RAB3IP: variants seen among roughly 807,000 people sequenced by gnomAD.
The protein encoded by RAB3IP is RAB3A interacting protein, also known as rab-3A-interacting protein.
In RAB3IP, 36 loss-of-function variants were observed where a neutral mutation model predicts 59.1. The observed-to-expected ratio is 0.61, with a 90% CI of 0.47 to 0.80. The LOEUF (loss-of-function observed/expected upper bound fraction) is 0.80, where lower values mean the gene tolerates loss of function less well. RAB3IP is among the 30% of genes least tolerant of loss of function. The pLI is 0.00. For synonymous variants in RAB3IP, 207 were observed against 191.2 expected (o/e 1.08, Z -0.68); for missense variants, 511 against 536.0 (o/e 0.95, Z 0.46).
rs1361611862 is a variant in RAB3IP, at chr12:69,818,490, C to G, written c.*3044C>G. On this transcript the variant is annotated 3_prime_UTR_variant, in exon 11 of 11. Transcript: ENST00000247833. ...GTATACCCATGGGTCAGCAATTTCA[C>G]TTTTCAGTATATACTTGAGAAATGC... 1.3e-5 allele frequency: 2 copies of G among 151,280 alleles called. No individual in the cohort carries two copies. Among genetic ancestry groups the G allele is most frequent in the Non-Finnish European group, 2.9e-5 (2 of 67,910 alleles). 9.4% of individuals were successfully genotyped at this position (151,280 alleles called of 1,614,324 possible). A position where few individuals can be genotyped will look rare whatever the true frequency, so the allele number is the denominator to read the frequency against.
chr12:69,745,908 T>G (rs1455622022), intron 1 of RAB3IP, among the ~76,000 whole-genome samples: 1 of 152,254 alleles, frequency 6.6e-6, no homozygotes, highest in South Asian at 2.1e-4. Flanking sequence ...ATACTAGCTC[T>G]GTTACTTTTT....
At chr12:69,765,632 C>G (rs1423802175) in intron 3 of RAB3IP, among the ~76,000 whole-genome samples, 1 of 152,144 alleles carries the variant, frequency 6.6e-6, no homozygotes, top group African/African-American at 2.4e-5. Context: ...GAGCATGGAG[C>G]AGAGAGGACC....
intron 3 of RAB3IP, among the ~76,000 whole-genome samples, chr12:69,773,684 A>G (rs1459807949): frequency 3.3e-5 from 3 of 90,750 alleles, no homozygotes; most frequent in East Asian, 3.0e-4. Context: ...TTCTTGTGAT[A>G]GTTTACTGAG....
chr12:69,763,650 G>A (rs1223498398), intron 3 of RAB3IP, among the ~76,000 whole-genome samples: 1 of 151,972 alleles, frequency 6.6e-6, no homozygotes, highest in Non-Finnish European at 1.5e-5. Flanking sequence ...GGGTATATGT[G>A]CAGGTATATT....
At chr12:69,813,208 A>G (rs112380798) in intron 10 of RAB3IP, among the ~76,000 whole-genome samples, 175 bp downstream of exon 10, 2 of 152,328 alleles carry the variant, frequency 1.3e-5, no homozygotes, top group African/African-American at 4.8e-5. Flanking sequence ...TTGGGAACAA[A>G]TGTCTTTTAG....
chr12:69,819,128 G>C lies in RAB3IP; in HGVS notation c.*3682G>C, dbSNP rs1881438384. The C allele has an allele frequency of 6.6e-6, 1 of 152,098 alleles. No homozygotes were observed. Among genetic ancestry groups the C allele is most frequent in the African/African-American group, 2.4e-5 (1 of 41,418 alleles). 9.4% of individuals were successfully genotyped at this position (152,098 alleles called of 1,614,324 possible). On this transcript the variant is annotated 3_prime_UTR_variant, in exon 11 of 11. Coordinates refer to ENST00000247833, the MANE Select transcript of RAB3IP (RefSeq NM_022456.5). ...TAAATGCATGGACAAATGAATAAGA[G>C]AGTTATGCATGGAACATCGGTGGTG...
intron 1 of RAB3IP, among the ~76,000 whole-genome samples, chr12:69,750,709 T>A (rs1480663912): frequency 1.3e-5 from 2 of 148,508 alleles, no homozygotes; most frequent in Non-Finnish European, 3.0e-5. Flanking sequence ...AAGAGGCTTG[T>A]TTGATTTGGG....
chr12:69,744,150 C>T (rs1227299124), intron 1 of RAB3IP, among the ~76,000 whole-genome samples: 1 of 152,000 alleles, frequency 6.6e-6, no homozygotes, highest in Non-Finnish European at 1.5e-5. Context: ...GCCACTCCCC[C>T]ACAGGCCCTG....
chr12:69,779,277 G>A (rs1022841094), intron 3 of RAB3IP: 2 of 141,722 alleles, frequency 1.4e-5, no homozygotes, highest in Admixed American at 7.1e-5. Context: ...TTCGGCTCGC[G>A]CACGGTGCGC....
chr12:69,787,569 A>T (rs1592558537), intron 4 of RAB3IP, among the ~76,000 whole-genome samples: 2 of 152,110 alleles, frequency 1.3e-5, no homozygotes, highest in Non-Finnish European at 2.9e-5. Flanking sequence ...CATAAATGGC[A>T]TTTCTCTTTG....
intron 8 of RAB3IP, among the ~76,000 whole-genome samples, chr12:69,806,963 T>G (rs75047083): frequency 0.21 from 32,247 of 152,142 alleles, 4,143 homozygotes; most frequent in Middle Eastern, 0.35. Flanking sequence ...AAATGGAGTC[T>G]CCTATGTCTA....
chr12:69,750,570 T>G, intron 1 of RAB3IP, among the ~76,000 whole-genome samples: 1 of 150,948 alleles, frequency 6.6e-6, no homozygotes, highest in East Asian at 2.0e-4. Context: ...TTTTACAGTT[T>G]ATTGGAAAAA....
intron 3 of RAB3IP, among the ~76,000 whole-genome samples, chr12:69,764,489 T>C (rs1011155262): frequency 1.3e-5 from 2 of 152,212 alleles, no homozygotes; most frequent in Non-Finnish European, 2.9e-5. Flanking sequence ...CTGTATTTTG[T>C]TCCATTAGTC....
intron 3 of RAB3IP, among the ~76,000 whole-genome samples, chr12:69,770,945 A>G (rs1873005992): frequency 6.6e-6 from 1 of 152,210 alleles, no homozygotes; most frequent in South Asian, 2.1e-4. Flanking sequence ...ATAGAACACC[A>G]GAACTTATTT....
At chr12:69,746,527 T>G (rs560681388) in intron 1 of RAB3IP, among the ~76,000 whole-genome samples, 1 of 152,356 alleles carries the variant, frequency 6.6e-6, no homozygotes, top group East Asian at 1.9e-4. Context: ...CCGTGGCTCG[T>G]AGAGGCTGTG....
At chr12:69,744,375 A>G (rs76449465) in intron 1 of RAB3IP, among the ~76,000 whole-genome samples, 4 of 149,656 alleles carry the variant, frequency 2.7e-5, no homozygotes, top group Non-Finnish European at 4.4e-5. Context: ...AAAACTGTCA[A>G]CATAACACAC....
chr12:69,760,835 T>G (rs1396910393), intron 3 of RAB3IP, among the ~76,000 whole-genome samples: 1 of 152,240 alleles, frequency 6.6e-6, no homozygotes, highest in Non-Finnish European at 1.5e-5. Context: ...GAGAGTCCTC[T>G]CTCACTGGCA....
rs1869886012 is a variant in RAB3IP, at chr12:69,754,568, A to G, written c.-25-816A>G. ...AATATAAATTCAAGAGATCTATGGT[A>G]CAGCAGGATGACTGTAGTTCCTGAC... On this transcript the variant is annotated intron_variant, in intron 1 of 10. Coordinates refer to ENST00000247833, the MANE Select transcript of RAB3IP (RefSeq NM_022456.5). Among the ~76,000 whole-genome samples, 3 of 152,230 alleles carry G rather than the reference A, an allele frequency of 2.0e-5. No individual in the cohort carries two copies. The South Asian group carries it at 6.2e-4, about 31-fold the overall frequency.
chr12:69,804,168 C>T (rs1212177081), intron 8 of RAB3IP, among the ~76,000 whole-genome samples: 2 of 152,138 alleles, frequency 1.3e-5, no homozygotes, highest in African/African-American at 4.8e-5. Flanking sequence ...CTGTTGTTTC[C>T]TGACTGTTTA....
Sources: allele counts gnomAD v4.1 joint callset (sites outside exome capture counted in the v4.1 genomes callset), GRCh38; gene constraint gnomAD v4.1.1; transcripts MANE v1.5; gene names NCBI Gene and HGNC (gene_info 2026-07-23, HGNC 2026-07-21).